KLHL29: variants seen among roughly 807,000 people sequenced by gnomAD.
KLHL29 encodes the protein kelch-like protein 29.
In KLHL29, 21 loss-of-function variants were observed where a neutral mutation model predicts 80.4. That is an observed-to-expected ratio of 0.26 (90% CI 0.19 to 0.38). KLHL29 has a LOEUF of 0.38. Among genes scored for constraint, KLHL29 ranks in the 10% least tolerant of loss-of-function variants. The pLI is 1.00. For missense variants in KLHL29, 867 were observed against 1,223.9 expected (o/e 0.71, Z 4.35); for synonymous variants, 511 against 526.8 (o/e 0.97, Z 0.41).
At chr2:23,533,544 G>A (rs565301119) in intron 2 of KLHL29, among the ~76,000 whole-genome samples, 2 of 152,234 alleles carry the variant, frequency 1.3e-5, no homozygotes, top group African/African-American at 2.4e-5. Flanking sequence ...TGCAGCCTCT[G>A]GGGAGCCTTG....
chr2:23,657,771 G>T (rs896454819), intron 5 of KLHL29, among the ~76,000 whole-genome samples: 1 of 152,154 alleles, frequency 6.6e-6, no homozygotes, highest in Non-Finnish European at 1.5e-5. Flanking sequence ...GCTGTGCCTC[G>T]GGAGTGGGGG....
intron 1 of KLHL29, among the ~76,000 whole-genome samples, chr2:23,452,670 T>G (rs1663916032): frequency 6.6e-6 from 1 of 152,220 alleles, no homozygotes; most frequent in African/African-American, 2.4e-5. Context: ...CCTGTTGGTC[T>G]TCTTTCTAGA....
At chr2:23,642,951 C>A in intron 5 of KLHL29, 101 bp downstream of exon 5, 1 of 1,339,348 alleles carries the variant, frequency 7.5e-7, no homozygotes, top group African/African-American at 1.4e-5. Context: ...ATGCCAGCTC[C>A]TTCACTGGCC....
At chr2:23,416,589 GTCTTTTGAGCTGT>G (rs1426454125) in intron 1 of KLHL29, among the ~76,000 whole-genome samples, 1 of 152,158 alleles carries the variant, frequency 6.6e-6, no homozygotes, top group East Asian at 1.9e-4. Flanking sequence ...ACATCACCCT[GTCTTTTGAGCTGT>G]TCTCATCTCT....
At chr2:23,391,582 C>T (rs991946012) in intron 1 of KLHL29, among the ~76,000 whole-genome samples, 6 of 152,066 alleles carry the variant, frequency 3.9e-5, no homozygotes, top group Admixed American at 2.6e-4. Flanking sequence ...ATTACAGGCA[C>T]GTGCCACTAT....
intron 3 of KLHL29, among the ~76,000 whole-genome samples, chr2:23,623,134 G>C (rs943999928): frequency 1.4e-4 from 22 of 152,154 alleles, no homozygotes; most frequent in Admixed American, 1.4e-3. Flanking sequence ...CCCTGATCTC[G>C]GGTCTTAGAC....
At chr2:23,628,253 A>G (rs1669372041) in intron 3 of KLHL29, among the ~76,000 whole-genome samples, 1 of 152,112 alleles carries the variant, frequency 6.6e-6, no homozygotes, top group Non-Finnish European at 1.5e-5. Context: ...ACTATTGAGG[A>G]AGGTCACAAA....
chr2:23,496,676 G>A (rs1665274956), intron 2 of KLHL29, among the ~76,000 whole-genome samples: 1 of 152,180 alleles, frequency 6.6e-6, no homozygotes, highest in African/African-American at 2.4e-5. Flanking sequence ...GCTGCCCTAG[G>A]GGGCCCAGGG....
chr2:23,691,515 T>A lies in KLHL29; in HGVS notation c.1080-159T>A, dbSNP rs1311097861. The A allele has an allele frequency of 8.1e-6, 5 of 620,134 alleles. No individual in the cohort carries two copies. The African/African-American group carries it at 9.2e-5, about 11-fold the overall frequency. 38.4% of individuals were successfully genotyped at this position (620,134 alleles called of 1,614,324 possible). ...TCTGGTCAGACTCTTCTCTTTCAGA[T>A]CCCGTGTCACAGCATTAGGTTCAGG... On this transcript the variant is annotated intron_variant, in intron 6 of 13. Coordinates refer to ENST00000486442, the MANE Select transcript of KLHL29 (RefSeq NM_052920.2).
chr2:23,452,443 T>C (rs369587267), intron 1 of KLHL29, among the ~76,000 whole-genome samples: 2 of 151,854 alleles, frequency 1.3e-5, no homozygotes, highest in Non-Finnish European at 2.9e-5. Context: ...ACCTCCAACA[T>C]TGGGGATCTC....
intron 1 of KLHL29, among the ~76,000 whole-genome samples, chr2:23,437,581 A>G (rs571339145): frequency 1.3e-5 from 2 of 152,296 alleles, no homozygotes; most frequent in Admixed American, 6.5e-5. Flanking sequence ...GCTCTCCAGC[A>G]TTCACTTGGC....
At chr2:23,493,883 A>G (rs1253977999) in intron 2 of KLHL29, among the ~76,000 whole-genome samples, 1 of 152,224 alleles carries the variant, frequency 6.6e-6, no homozygotes, top group Non-Finnish European at 1.5e-5. Context: ...GCTGAGTAAT[A>G]TTGGAGATAA....
intron 2 of KLHL29, among the ~76,000 whole-genome samples, chr2:23,546,555 C>T (rs568555866): frequency 8.5e-5 from 13 of 152,292 alleles, no homozygotes; most frequent in Admixed American, 6.5e-4. Context: ...CCCCAGGGCC[C>T]GTCTCTACTC....
At chr2:23,659,239 C>T (rs918417471) in intron 5 of KLHL29, among the ~76,000 whole-genome samples, 14 of 152,142 alleles carry the variant, frequency 9.2e-5, no homozygotes, top group African/African-American at 2.4e-4. Context: ...GCAACCCGTC[C>T]GCAGCGGCGC....
chr2:23,652,394 T>C (rs903183455), intron 5 of KLHL29, among the ~76,000 whole-genome samples: 2 of 152,246 alleles, frequency 1.3e-5, no homozygotes, highest in African/African-American at 4.8e-5. Context: ...TGTCTCTTCG[T>C]GTAACTTCCA....
chr2:23,569,554 T>A (rs1667667346), intron 3 of KLHL29, among the ~76,000 whole-genome samples: 1 of 152,228 alleles, frequency 6.6e-6, no homozygotes, highest in African/African-American at 2.4e-5. Flanking sequence ...GTATTTTAGC[T>A]ACATTATGGG....
chr2:23,398,207 A>C (rs1474302516), intron 1 of KLHL29, among the ~76,000 whole-genome samples: 2 of 152,274 alleles, frequency 1.3e-5, no homozygotes, highest in Non-Finnish European at 2.9e-5. Flanking sequence ...GGTAGAAGCA[A>C]CCCAAGTGTC....
rs1672857876 is a variant in KLHL29 at position 23,708,450 on chromosome 2, A to C, written c.*1786A>C. On this transcript the variant is annotated 3_prime_UTR_variant, in exon 14 of 14. Coordinates refer to ENST00000486442, the MANE Select transcript of KLHL29 (RefSeq NM_052920.2). ...GTCAGCGAGACTCAACACAGATGAC[A>C]TTGAAATTCGTTTCTCTCCTCATCT... 6.6e-6 allele frequency: 1 copy of C among 152,242 alleles called. No individual in the cohort carries two copies. The highest frequency in any genetic ancestry group is 2.4e-5 in the African/African-American group (1 of 41,460). 9.4% of individuals were successfully genotyped at this position (152,242 alleles called of 1,614,324 possible).
At chr2:23,639,691 G>A (rs1019311059) in intron 4 of KLHL29, among the ~76,000 whole-genome samples, 3 of 152,096 alleles carry the variant, frequency 2.0e-5, no homozygotes, top group African/African-American at 7.2e-5. Context: ...TAATTCGCCA[G>A]CTTGTACAAC....
Sources: allele counts gnomAD v4.1 joint callset (sites outside exome capture counted in the v4.1 genomes callset), GRCh38; gene constraint gnomAD v4.1.1; transcripts MANE v1.5; gene names NCBI Gene and HGNC (gene_info 2026-07-23, HGNC 2026-07-21).